PPM1F: variants seen among roughly 807,000 people sequenced by gnomAD.
The protein encoded by PPM1F is protein phosphatase, Mg2+/Mn2+ dependent 1F, also known as protein phosphatase 1F.
In PPM1F, 17 loss-of-function variants were observed where a neutral mutation model predicts 35.5. The ratio of observed to expected loss-of-function variants is 0.48; its 90% CI spans 0.33 to 0.72. The LOEUF is 0.72. PPM1F is among the 30% of genes least tolerant of loss of function. PPM1F has a pLI of 0.02. For synonymous variants in PPM1F, 241 were observed against 255.5 expected (o/e 0.94, Z 0.54); for missense variants, 521 against 613.0 (o/e 0.85, Z 1.59).
Position 21,939,600 on chromosome 22 carries a change from C to A in PPM1F, c.287G>T (p.Arg96Met). 6.4e-7 allele frequency: 1 copy of A among 1,566,306 alleles called. No individual in the cohort carries two copies. ...QLLQTDLSEF[R>M]KLPREEEEEE... is the part of the protein sequence containing the mutation. ...TTCTTCTTCCTCCCTGGGCAACTTC[C>A]TGAATTCGGAAAGGTCTGTCTGTAG... is the stretch of plus-strand genomic sequence containing the variant. Residue 96 changes from arginine (R) to methionine (M), a missense_variant, in exon 3 of 8, where the codon AGG becomes ATG. Arg to Met is a moderately conservative substitution (Grantham distance 91, BLOSUM62 -1). Coordinates refer to ENST00000263212, the MANE Select transcript of PPM1F (RefSeq NM_014634.4). The surrounding 1 kb of genome is among the most constrained non-coding windows in gnomAD (Gnocchi z 5.1).
chr22:21,922,506 G>A lies in PPM1F; in HGVS notation c.*586C>T, dbSNP rs976858077. 6.6e-6 allele frequency: 1 copy of A among 152,508 alleles called. No individual in the cohort carries two copies. The highest frequency in any genetic ancestry group is 1.5e-5 in the Non-Finnish European group (1 of 68,230). 9.4% of individuals were successfully genotyped at this position (152,508 alleles called of 1,614,324 possible). ...GCCCAAGCACATCATGGCTGCCCTG[G>A]AGTGGGGGCAGGGGGGTGGCTGCTA... On this transcript the variant is annotated 3_prime_UTR_variant, in exon 8 of 8. Coordinates refer to ENST00000263212, the MANE Select transcript of PPM1F (RefSeq NM_014634.4).
chr22:21,945,709 T>C (rs567891319), intron 2 of PPM1F, 134 bp downstream of exon 2: 2 of 852,624 alleles, frequency 2.3e-6, no homozygotes, highest in East Asian at 2.9e-5. Context: ...GAGTTCCACA[T>C]GGTGCTGCAT....
At chr22:21,933,977 C>T in intron 4 of PPM1F, 47 bp downstream of exon 4, 2 of 1,500,146 alleles carry the variant, frequency 1.3e-6, no homozygotes, top group Middle Eastern at 2.4e-4. Context: ...CCCACCCTCG[C>T]CCCGGTCCTC....
chr22:21,951,759 G>A (rs554404643), intron 1 of PPM1F: 1 of 152,346 alleles, frequency 6.6e-6, no homozygotes, highest in African/African-American at 2.4e-5. Context: ...AGTACATACT[G>A]TCAGGCTACA....
chr22:21,926,793 A>G (rs1393454711), intron 6 of PPM1F, among the ~76,000 whole-genome samples: 2 of 152,192 alleles, frequency 1.3e-5, no homozygotes, highest in African/African-American at 2.4e-5. Context: ...CCAGCTGGGC[A>G]TGAGAACTCT....
chr22:21,938,220 C>T, intron 3 of PPM1F: 1 of 1,303,126 alleles, frequency 7.7e-7, no homozygotes, highest in South Asian at 1.2e-5. Context: ...GTGGCGCTGT[C>T]TCCCGCGTGG....
At chr22:21,946,144 G>T in intron 1 of PPM1F, 36 bp from the exon 2 acceptor site, 1 of 1,084,080 alleles carries the variant, frequency 9.2e-7, no homozygotes. Context: ...GAATCAGGGG[G>T]CCATGGCACC....
chr22:21,925,437 C>T (rs1354299156), intron 7 of PPM1F, 132 bp downstream of exon 7: 4 of 702,258 alleles, frequency 5.7e-6, no homozygotes, highest in East Asian at 5.4e-5. Context: ...GAGGGTATCA[C>T]CCCAGTGCAT....
At chr22:21,933,779 G>A (rs930215134) in intron 4 of PPM1F, among the ~76,000 whole-genome samples, 200 bp from the exon 5 acceptor site, 2 of 152,204 alleles carry the variant, frequency 1.3e-5, no homozygotes, top group African/African-American at 4.8e-5. Context: ...GTTGCTACAA[G>A]CATAAAATGA....
rs149519614 is a variant in PPM1F, at chr22:21,923,307, C to T, written c.1150G>A (p.Gly384Ser). The part of the protein sequence containing the change: ...LVQSHLTRQQ[G>S]SGLRVAEELV... ...TCCTCGGCGACACGGAGCCCGCTGCCCTGCTGCCTGGTCAGGTGGCTCTGG... is the reference window on the plus strand; with the variant it reads ...TCCTCGGCGACACGGAGCCCGCTGCTCTGCTGCCTGGTCAGGTGGCTCTGG... The change falls in exon 8 of 8, where the codon GGC becomes AGC. Residue 384 changes from glycine to serine, a missense_variant. This residue lies in a region of PPM1F where 163 missense variants were observed against 169.6 expected (regional missense o/e 0.96). Coordinates refer to ENST00000263212, the MANE Select transcript of PPM1F (RefSeq NM_014634.4). 1.9e-6 allele frequency: 3 copies of T among 1,613,558 alleles called. No individual in the cohort carries two copies. Among genetic ancestry groups the T allele is most frequent in the Non-Finnish European group, 2.5e-6 (3 of 1,179,934 alleles).
rs924217243 is a variant in PPM1F at position 21,919,917 on chromosome 22, C to A, written c.*3175G>T. 1 of 152,386 alleles carries A rather than the reference C, an allele frequency of 6.6e-6. No individual in the cohort carries two copies. Among genetic ancestry groups the A allele is most frequent in the African/African-American group, 2.4e-5 (1 of 41,472 alleles). The allele number at this position is 152,386 out of a possible 1,614,324, so 9.4% of individuals were successfully genotyped here. ...GGGAGGGGGCCCCATACTGGCCCTG[C>A]CGTCTGCACCCCGTCCCTTTCCCCA... On this transcript the variant is annotated 3_prime_UTR_variant, in exon 8 of 8. Transcript: ENST00000263212.
In PPM1F at chr22:21,923,467, A is replaced by G. The variant is rs1830296337; in HGVS notation, c.990T>C (p.Asp330=). 1 of 1,602,736 alleles carries G rather than the reference A, an allele frequency of 6.2e-7. No homozygotes were observed. Among genetic ancestry groups the G allele is most frequent in the African/African-American group, 1.3e-5 (1 of 74,724 alleles). The stretch of plus-strand genomic sequence containing the variant: ...CAGACACGTAGGGCTTCTGGAAGAC[A>G]TCCCCTGGACAGGCGGAGAAGAGCC... ...GTLAVSRAIG[D]VFQKPYVSGE... is the part of the protein sequence containing the mutation. The change falls in exon 8 of 8, where the codon GAT becomes GAC. Residue 330 remains aspartate (D), a synonymous_variant. Coordinates refer to ENST00000263212, the MANE Select transcript of PPM1F (RefSeq NM_014634.4).
chr22:21,949,896 A>G (rs2070817589), intron 1 of PPM1F: 1 of 152,262 alleles, frequency 6.6e-6, no homozygotes, highest in African/African-American at 2.4e-5. Context: ...AAGCAAACTC[A>G]TCGGGGGGCA....
At chr22:21,936,686 G>A (rs908151752) in intron 3 of PPM1F, 6 of 152,300 alleles carry the variant, frequency 3.9e-5, no homozygotes, top group African/African-American at 1.4e-4. Context: ...GCAGCGCCAC[G>A]GAGAGTCCAC....
chr22:21,921,645 G>A lies in PPM1F; in HGVS notation c.*1447C>T, dbSNP rs967348101. The A allele has an allele frequency of 6.6e-6, 1 of 152,466 alleles. No homozygotes were observed. The highest frequency in any genetic ancestry group is 2.4e-5 in the African/African-American group (1 of 41,470). 9.4% of individuals were successfully genotyped at this position (152,466 alleles called of 1,614,324 possible). A position where few individuals can be genotyped will look rare whatever the true frequency, so the allele number is the denominator to read the frequency against. On this transcript the variant is annotated 3_prime_UTR_variant, in exon 8 of 8. Transcript: ENST00000263212. ...GGCGTGCTGCCAGCCACCGCGGCAA[G>A]GTGAGGGGCTGTGGCCTGTGCCATG...
At position 21,919,456 on chromosome 22, in the gene PPM1F, A is replaced by C. The variant is rs772471132; in HGVS notation, c.*3636T>G. 1 of 152,650 alleles carries C rather than the reference A, an allele frequency of 6.6e-6. No individual in the cohort carries two copies. The highest frequency in any genetic ancestry group is 1.9e-4 in the East Asian group (1 of 5,184). The allele number at this position is 152,650 out of a possible 1,614,324, so 9.5% of individuals were successfully genotyped here. A position where few individuals can be genotyped will look rare whatever the true frequency, so the allele number is the denominator to read the frequency against. On this transcript the variant is annotated 3_prime_UTR_variant, in exon 8 of 8. Transcript: ENST00000263212. Reference sequence around the variant, plus strand: ...ACTTGTGGTTTATTGACACTTCTGCATGGTGGGTCCTTGGGAGACTGCCTT... The same window carrying C: ...ACTTGTGGTTTATTGACACTTCTGCCTGGTGGGTCCTTGGGAGACTGCCTT...
chr22:21,944,117 T>A (rs1381806030), intron 2 of PPM1F: 2 of 152,364 alleles, frequency 1.3e-5, no homozygotes, highest in East Asian at 3.9e-4. Flanking sequence ...TTGGCACCCC[T>A]GCTGGGCCCA....
At chr22:21,933,068 T>G (rs1030466656) in intron 5 of PPM1F, among the ~76,000 whole-genome samples, 8 of 152,294 alleles carry the variant, frequency 5.3e-5, no homozygotes, top group African/African-American at 1.9e-4. Flanking sequence ...AAGGTCCTGG[T>G]CTGTGTCTGT....
chr22:21,926,908 C>G (rs1408456446), intron 6 of PPM1F, among the ~76,000 whole-genome samples: 1 of 152,198 alleles, frequency 6.6e-6, no homozygotes, highest in Non-Finnish European at 1.5e-5. Context: ...AGGCAGCCCT[C>G]TCCAGATGCC....
Sources: gnomAD v4.1 joint callset for allele counts (sites outside exome capture counted in the v4.1 genomes callset) on GRCh38, gnomAD v4.1.1 for gene constraint, gnomAD v4.1.1 regional missense constraint, Gnocchi (gnomAD v3.1) non-coding constraint, MANE v1.5 for transcripts, NCBI Gene and HGNC (gene_info 2026-07-23, HGNC 2026-07-21) for gene names.